CRIM1: variants seen among roughly 807,000 people sequenced by gnomAD.
The protein encoded by CRIM1 is cysteine-rich motor neuron 1 protein.
A neutral mutation model predicts 116.4 loss-of-function variants in CRIM1; 32 were observed. That is an observed-to-expected ratio of 0.27 (90% CI 0.21 to 0.37). The LOEUF (loss-of-function observed/expected upper bound fraction) is 0.37. CRIM1 is among the 10% of genes least tolerant of loss of function. The probability of loss-of-function intolerance (pLI) is 1.00; values close to 1 mark genes in which losing one functional copy is unlikely to be tolerated. For synonymous variants in CRIM1, 590 were observed against 509.2 expected, an observed-to-expected ratio of 1.16 and a Z score of -2.13; for missense variants, 1,331 against 1,354.8, an observed-to-expected ratio of 0.98 and a Z score of 0.28.
intron 1 of CRIM1, among the ~76,000 whole-genome samples, chr2:36,385,957 T>A (rs1228304794): frequency 6.6e-6 from 1 of 152,230 alleles, no homozygotes; most frequent in African/African-American, 2.4e-5. Flanking sequence ...CTGTGCTACC[T>A]CTTCACCTAG....
intron 8 of CRIM1, 111 bp downstream of exon 8, chr2:36,499,458 C>A: frequency 3.3e-6 from 4 of 1,196,724 alleles, no homozygotes; most frequent in Non-Finnish European, 4.7e-6. Flanking sequence ...CCCTTGACAA[C>A]CTGAAAAAAA....
At chr2:36,547,680 A>C (rs947537561) in intron 16 of CRIM1, among the ~76,000 whole-genome samples, 1 of 152,106 alleles carries the variant, frequency 6.6e-6, no homozygotes, top group Non-Finnish European at 1.5e-5. Context: ...AAAGATGAAG[A>C]GGTGGTGGAA....
At chr2:36,428,670 T>C (rs1201667305) in intron 2 of CRIM1, among the ~76,000 whole-genome samples, 1 of 152,268 alleles carries the variant, frequency 6.6e-6, no homozygotes, top group Non-Finnish European at 1.5e-5. Flanking sequence ...ATCTTCTATC[T>C]TGTAACAAAT....
chr2:36,474,847 CAAAAAAAAA>C (rs56084308), intron 5 of CRIM1, among the ~76,000 whole-genome samples: 1 of 90,764 alleles, frequency 1.1e-5, no homozygotes, highest in Non-Finnish European at 2.0e-5. Context: ...GACTCTATAT[CAAAAAAAAA>C]AAAAAAAAAA....
rs933896182 is a variant in CRIM1 at position 36,441,347 on chromosome 2, C to T, written c.595C>T (p.Pro199Ser). The change falls in exon 3 of 17, where the codon CCT becomes TCT. Residue 199 changes from proline (P) to serine (S), a missense_variant. By Grantham distance (74) the Pro-to-Ser change is moderately conservative (BLOSUM62 -1). Coordinates refer to ENST00000280527, the MANE Select transcript of CRIM1 (RefSeq NM_016441.3). ...TTCTGTTCTGATCGAGGGTTATGCTCCTCCTGGGGAGTGCTGTCCCTTACC... is the reference window on the plus strand; with the variant it reads ...TTCTGTTCTGATCGAGGGTTATGCTTCTCCTGGGGAGTGCTGTCCCTTACC... ...EDSVLIEGYA[P>S]PGECCPLPSR... 6 of 1,614,090 alleles carry T rather than the reference C, an allele frequency of 3.7e-6. No homozygotes were observed. Among genetic ancestry groups the T allele is most frequent in the African/African-American group, 2.7e-5 (2 of 74,950 alleles).
intron 1 of CRIM1, among the ~76,000 whole-genome samples, chr2:36,371,486 C>T (rs994603358): frequency 3.9e-5 from 6 of 152,110 alleles, no homozygotes; most frequent in Admixed American, 1.3e-4. Context: ...ACTTTTTCAT[C>T]GAACCATTTG....
intron 1 of CRIM1, among the ~76,000 whole-genome samples, chr2:36,381,001 C>T (rs1004853527): frequency 2.2e-4 from 33 of 152,252 alleles, no homozygotes; most frequent in Admixed American, 1.6e-3. Context: ...GGGGCCCCCC[C>T]GCTGCTCTCC....
chr2:36,511,629 T>G (rs1664690184), intron 9 of CRIM1, among the ~76,000 whole-genome samples: 1 of 152,206 alleles, frequency 6.6e-6, no homozygotes, highest in African/African-American at 2.4e-5. Flanking sequence ...AGATTTCACT[T>G]TGTATTCCTG....
At chr2:36,427,766 C>T (rs1484155017) in intron 2 of CRIM1, among the ~76,000 whole-genome samples, 1 of 152,222 alleles carries the variant, frequency 6.6e-6, no homozygotes, top group Non-Finnish European at 1.5e-5. Flanking sequence ...CTGTCTAGGG[C>T]TCCAGCCCCA....
rs1666137123 is a variant in CRIM1 at position 36,531,781 on chromosome 2, C to G, written c.2429-5571C>G. On this transcript the variant is annotated intron_variant, in intron 13 of 16. Transcript: ENST00000280527. ...GAAAATAGGCAGGAGGGAACCCACA[C>G]TGAATTTTCCAGACTCTACTGCTGA... The G allele has an allele frequency of 1.0e-5, 4 of 393,932 alleles. No individual in the cohort carries two copies. In the Admixed American group the frequency reaches 1.3e-4, roughly 13 times the overall value. The allele number at this position is 393,932 out of a possible 1,614,324, so 24.4% of individuals were successfully genotyped here.
At chr2:36,493,741 T>C (rs1230057878) in intron 7 of CRIM1, among the ~76,000 whole-genome samples, 1 of 152,204 alleles carries the variant, frequency 6.6e-6, no homozygotes, top group African/African-American at 2.4e-5. Flanking sequence ...AAACCAGCAG[T>C]TCAGTGGAGT....
In CRIM1 at chr2:36,537,553, A is replaced by T; in HGVS notation, c.2623+7A>T. The T allele has an allele frequency of 6.3e-7, 1 of 1,594,238 alleles. No individual in the cohort carries two copies. The stretch of plus-strand genomic sequence containing the variant: ...TGCTGCCCAATGTGTCCAGGTATCT[A>T]AGCCACCATCCTTCCATTTGTCAAG... On this transcript the variant is annotated splice_region_variant and intron_variant, in intron 14 of 16. Coordinates refer to ENST00000280527, the MANE Select transcript of CRIM1 (RefSeq NM_016441.3).
intron 13 of CRIM1, among the ~76,000 whole-genome samples, chr2:36,527,009 A>C (rs1665803588): frequency 6.6e-6 from 1 of 152,180 alleles, no homozygotes; most frequent in East Asian, 1.9e-4. Flanking sequence ...ATGACTTGGC[A>C]AGTATTTGTT....
chr2:36,387,849 C>T (rs1427654829), intron 1 of CRIM1, among the ~76,000 whole-genome samples: 1 of 152,034 alleles, frequency 6.6e-6, no homozygotes, highest in African/African-American at 2.4e-5. Context: ...ATTTTGTTAA[C>T]TGTTTTTGTT....
At chr2:36,503,868 T>C (rs1339158607) in intron 8 of CRIM1, among the ~76,000 whole-genome samples, 1 of 152,130 alleles carries the variant, frequency 6.6e-6, no homozygotes, top group African/African-American at 2.4e-5. Flanking sequence ...CTAGTTTCCA[T>C]TAGCTTCTAG....
At chr2:36,409,847 A>G (rs1363160371) in intron 2 of CRIM1, among the ~76,000 whole-genome samples, 2 of 152,214 alleles carry the variant, frequency 1.3e-5, no homozygotes, top group African/African-American at 4.8e-5. Context: ...CTAATAATAA[A>G]ATTTGACTCA....
intron 2 of CRIM1, among the ~76,000 whole-genome samples, chr2:36,400,843 G>A (rs1672351900): frequency 1.3e-5 from 2 of 152,138 alleles, no homozygotes; most frequent in Admixed American, 6.5e-5. Flanking sequence ...GGTTAAGAGT[G>A]CAGTGATGAT....
chr2:36,381,268 T>C (rs1038354506), intron 1 of CRIM1, among the ~76,000 whole-genome samples: 2 of 152,068 alleles, frequency 1.3e-5, no homozygotes, highest in Non-Finnish European at 2.9e-5. Flanking sequence ...CCCATGGCCT[T>C]GAGGTGGGAT....
chr2:36,526,629 C>G (rs369187297), intron 13 of CRIM1, among the ~76,000 whole-genome samples: 1 of 152,050 alleles, frequency 6.6e-6, no homozygotes, highest in African/African-American at 2.4e-5. Flanking sequence ...GAGCCCTGAC[C>G]ACATCAACCT....
Sources: gnomAD v4.1 joint callset for allele counts (sites outside exome capture counted in the v4.1 genomes callset) on GRCh38, gnomAD v4.1.1 for gene constraint, MANE v1.5 for transcripts, NCBI Gene and HGNC (gene_info 2026-07-23, HGNC 2026-07-21) for gene names.